MAP2K1: variants seen among roughly 807,000 people sequenced by gnomAD.
MAP2K1 encodes the protein mitogen-activated protein kinase kinase 1, also known as dual specificity mitogen-activated protein kinase kinase 1.
MAP2K1 carries 16 observed loss-of-function variants against 46.3 expected under a neutral mutation model. That is an observed-to-expected ratio of 0.35 (90% CI 0.23 to 0.52). The LOEUF is 0.52. Ranked by LOEUF, MAP2K1 falls within the 20% of genes least tolerant of loss-of-function variation. MAP2K1 has a pLI of 0.94. For missense variants in MAP2K1, 263 were observed against 497.1 expected (o/e 0.53, Z 4.48); for synonymous variants, 183 against 185.6 (o/e 0.99, Z 0.11).
chr15:66,459,155 A>G (rs1892247292), intron 5 of MAP2K1, among the ~76,000 whole-genome samples: 1 of 150,464 alleles, frequency 6.6e-6, no homozygotes, highest in Admixed American at 6.6e-5. Context: ...TCTACTAAAA[A>G]TATAAAAATT....
chr15:66,486,307 G>A, intron 7 of MAP2K1, among the ~76,000 whole-genome samples: 1 of 152,086 alleles, frequency 6.6e-6, no homozygotes, highest in South Asian at 2.1e-4. Flanking sequence ...TTAGTGTATT[G>A]TTCCATGTTG....
At chr15:66,434,635 T>G (rs925264563) in intron 1 of MAP2K1, among the ~76,000 whole-genome samples, 5 of 152,236 alleles carry the variant, frequency 3.3e-5, no homozygotes, top group African/African-American at 1.2e-4. Flanking sequence ...TAGGGTATTT[T>G]ATTTTGCGTA....
At position 66,440,502 on chromosome 15, in the gene MAP2K1, GC is replaced by G. The variant is rs371538198; in HGVS notation, c.439-2775del. Among the ~76,000 whole-genome samples, 6 of 152,308 alleles carry G rather than the reference GC, an allele frequency of 3.9e-5. No individual in the cohort carries two copies. In the East Asian group the frequency reaches 9.6e-4, roughly 24 times the overall value. On this transcript the variant is annotated intron_variant, in intron 3 of 10. Transcript: ENST00000307102. ...CCTAGAAATAAGCTCTGTGTGCACT[GC>G]CCAGTCTGAATTTTGAGACCCAAGG... is the stretch of plus-strand genomic sequence containing the variant.
intron 5 of MAP2K1, among the ~76,000 whole-genome samples, chr15:66,471,161 T>A (rs572561251): frequency 6.6e-6 from 1 of 152,280 alleles, no homozygotes; most frequent in Non-Finnish European, 1.5e-5. Context: ...CCCTTTAGCT[T>A]AGTGATTTCT....
chr15:66,481,641 G>A (rs868186208), intron 5 of MAP2K1, 114 bp from the exon 6 acceptor site: 25 of 1,208,080 alleles, frequency 2.1e-5, no homozygotes, highest in East Asian at 9.6e-5. Context: ...GATGGCGGAC[G>A]GGGGTGTGGT....
chr15:66,437,680 G>C (rs147790679), intron 3 of MAP2K1, among the ~76,000 whole-genome samples: 2 of 152,138 alleles, frequency 1.3e-5, no homozygotes, highest in East Asian at 3.9e-4. Context: ...ATGAACTTTA[G>C]AAGAACCCTC....
At chr15:66,392,848 T>A (rs1771389195) in intron 1 of MAP2K1, among the ~76,000 whole-genome samples, 1 of 152,194 alleles carries the variant, frequency 6.6e-6, no homozygotes, top group Admixed American at 6.5e-5. Flanking sequence ...CCACCATGCC[T>A]GGCCTTAGTT....
chr15:66,480,236 C>A (rs995703919), intron 5 of MAP2K1, among the ~76,000 whole-genome samples: 3 of 152,000 alleles, frequency 2.0e-5, no homozygotes, highest in Non-Finnish European at 4.4e-5. Context: ...TTACAGGCGC[C>A]CACCACCACT....
chr15:66,438,990 G>T (rs181823422), intron 3 of MAP2K1, among the ~76,000 whole-genome samples: 2 of 152,312 alleles, frequency 1.3e-5, no homozygotes, highest in South Asian at 4.1e-4. Context: ...GTCTAGATGG[G>T]ACCATGTAGG....
At position 66,429,315 on chromosome 15, in the gene MAP2K1, C is replaced by T. The variant is rs562553454; in HGVS notation, c.81-5712C>T. 8.5e-5 allele frequency among the ~76,000 whole-genome samples: 13 copies of T among 152,170 alleles called. No homozygotes were observed. The South Asian group carries it at 2.7e-3, about 32-fold the overall frequency. ...GTGCCAGTAGGGGAAATGCCAGACA[C>T]TTATAAAACCATCAGCTCTCATGAG... On this transcript the variant is annotated intron_variant, in intron 1 of 10. Coordinates refer to ENST00000307102, the MANE Select transcript of MAP2K1 (RefSeq NM_002755.4).
At chr15:66,479,869 A>G (rs913084132) in intron 5 of MAP2K1, among the ~76,000 whole-genome samples, 2 of 151,908 alleles carry the variant, frequency 1.3e-5, no homozygotes, top group African/African-American at 4.8e-5. Context: ...GGGCACTGGG[A>G]TATTAGAGGG....
chr15:66,489,667 G>T, intron 9 of MAP2K1, 51 bp from the exon 10 acceptor site: 1 of 1,404,606 alleles, frequency 7.1e-7, no homozygotes, highest in Non-Finnish European at 1.0e-6. Context: ...TGTTATTTGA[G>T]CTAGAACCAG....
At chr15:66,446,979 C>T (rs560628980) in intron 5 of MAP2K1, among the ~76,000 whole-genome samples, 2 of 152,210 alleles carry the variant, frequency 1.3e-5, no homozygotes, top group South Asian at 4.1e-4. Context: ...AAGATGAAGC[C>T]AGAGGACAGG....
chr15:66,454,886 A>G (rs1248435675), intron 5 of MAP2K1, among the ~76,000 whole-genome samples: 1 of 151,964 alleles, frequency 6.6e-6, no homozygotes, highest in Non-Finnish European at 1.5e-5. Context: ...CTGTCTCGAA[A>G]AAAAAAAACA....
rs559268935 is a variant in MAP2K1, at chr15:66,482,873, G to GGCGGGGAGTGCAGGCCC, written c.693+998_693+1014dup. Among the ~76,000 whole-genome samples the GGCGGGGAGTGCAGGCCC allele has an allele frequency of 6.8e-3, 1,031 of 152,256 alleles. 10 individuals carry two copies. The highest frequency in any genetic ancestry group is 0.023 in the African/African-American group (968 of 41,520). ...GTGAGTAGGCAGTCTTTACAGAAGT[G>GGCGGGGAGTGCAGGCCC]GCGGGGAGTGCAGGCCCGCGTGGAG... On this transcript the variant is annotated intron_variant, in intron 6 of 10. Transcript: ENST00000307102.
Position 66,402,660 on chromosome 15 carries a change from T to C in MAP2K1, c.80+15233T>C, listed in dbSNP as rs149332998. Among the ~76,000 whole-genome samples the C allele has an allele frequency of 1.5e-3, 224 of 152,308 alleles. 1 individual carries two copies. Among genetic ancestry groups the C allele is most frequent in the African/African-American group, 5.1e-3 (210 of 41,564 alleles). On this transcript the variant is annotated intron_variant, in intron 1 of 10. Coordinates refer to ENST00000307102, the MANE Select transcript of MAP2K1 (RefSeq NM_002755.4). The stretch of plus-strand genomic sequence containing the variant: ...ACGTAACATTTTGATGCTGTTGTTA[T>C]TGAACATTTTTAAGTTTGTATTTTC...
chr15:66,458,489 G>C (rs772499623), intron 5 of MAP2K1, among the ~76,000 whole-genome samples: 1 of 151,754 alleles, frequency 6.6e-6, no homozygotes, highest in Non-Finnish European at 1.5e-5. Flanking sequence ...TAAATTTTAC[G>C]TATTTATGTG....
chr15:66,456,061 G>T (rs1281517188), intron 5 of MAP2K1, among the ~76,000 whole-genome samples: 1 of 152,136 alleles, frequency 6.6e-6, no homozygotes, highest in East Asian at 1.9e-4. Context: ...GCTCCTCCGT[G>T]TCTATTCGCC....
Position 66,490,921 on chromosome 15 carries a change from T to TA in MAP2K1, c.*307dup. 1 of 485,668 alleles carries TA rather than the reference T, an allele frequency of 2.1e-6. No homozygotes were observed. Among genetic ancestry groups the TA allele is most frequent in the Non-Finnish European group, 3.8e-6 (1 of 263,506 alleles). 30.1% of individuals were successfully genotyped at this position (485,668 alleles called of 1,614,324 possible). A position where few individuals can be genotyped will look rare whatever the true frequency, so the allele number is the denominator to read the frequency against. ...TTTGGTGAATGTGGGTAGTCATTCTTACAATTGCACTGCTGTTCCTGCTCC... is the reference window on the plus strand; with the variant it reads ...TTTGGTGAATGTGGGTAGTCATTCTTAACAATTGCACTGCTGTTCCTGCTCC... On this transcript the variant is annotated 3_prime_UTR_variant, in exon 11 of 11. Transcript: ENST00000307102.
Sources: gnomAD v4.1 joint callset for allele counts (sites outside exome capture counted in the v4.1 genomes callset) on GRCh38, gnomAD v4.1.1 for gene constraint, MANE v1.5 for transcripts, NCBI Gene and HGNC (gene_info 2026-07-23, HGNC 2026-07-21) for gene names.